IL6ST: variants seen among roughly 807,000 people sequenced by gnomAD.
IL6ST encodes interleukin-6 receptor subunit beta.
In IL6ST, 24 loss-of-function variants were observed where a neutral mutation model predicts 91.3. That is an observed-to-expected ratio of 0.26 (90% confidence interval 0.19 to 0.37). The LOEUF (loss-of-function observed/expected upper bound fraction) is 0.37, where lower values mean the gene tolerates loss of function less well. Ranked by LOEUF, IL6ST falls within the 10% of genes least tolerant of loss-of-function variation. The pLI, the probability that IL6ST is intolerant of heterozygous loss-of-function variation, is 1.00. For missense variants in IL6ST, 914 were observed against 1,078.5 expected (o/e 0.85, Z 2.14); for synonymous variants, 351 against 373.6 (o/e 0.94, Z 0.70).
intron 3 of IL6ST, among the ~76,000 whole-genome samples, chr5:55,973,223 CTG>C (rs1561191800): frequency 6.6e-6 from 1 of 151,962 alleles, no homozygotes; most frequent in African/African-American, 2.4e-5. Flanking sequence ...TTGGAGAAGA[CTG>C]TATTTTAAGA....
intron 8 of IL6ST, among the ~76,000 whole-genome samples, chr5:55,959,094 G>A (rs144830343): frequency 3.3e-5 from 5 of 152,122 alleles, no homozygotes; most frequent in African/African-American, 4.8e-5. Flanking sequence ...CTTCATTCAC[G>A]CATTGATTTG....
At chr5:55,967,548 A>T (rs1440095288) in intron 5 of IL6ST, among the ~76,000 whole-genome samples, 4 of 152,108 alleles carry the variant, frequency 2.6e-5, no homozygotes, top group African/African-American at 4.8e-5. Flanking sequence ...ATCAACACTA[A>T]CTGAAAATGT....
intron 8 of IL6ST, among the ~76,000 whole-genome samples, chr5:55,959,041 T>A (rs766790547): frequency 6.6e-6 from 1 of 151,820 alleles, no homozygotes; most frequent in Non-Finnish European, 1.5e-5. Flanking sequence ...TAAAAAAAAA[T>A]TATGAGCTGG....
chr5:55,950,620 T>G (rs1277594164), intron 14 of IL6ST, among the ~76,000 whole-genome samples: 1 of 149,846 alleles, frequency 6.7e-6, no homozygotes, highest in East Asian at 2.0e-4. Flanking sequence ...GAGACTGTGC[T>G]AGCAGAAAAA....
At chr5:55,976,363 C>T in intron 2 of IL6ST, 70 bp from the exon 3 acceptor site, 1 of 777,030 alleles carries the variant, frequency 1.3e-6, no homozygotes, top group South Asian at 2.5e-5. Flanking sequence ...AAGACACAAT[C>T]TTGTTTCCAT....
At chr5:55,993,191 C>T (rs974846480) in intron 1 of IL6ST, among the ~76,000 whole-genome samples, 11 of 152,208 alleles carry the variant, frequency 7.2e-5, no homozygotes, top group African/African-American at 2.7e-4. Flanking sequence ...CCCTCCCTGC[C>T]ACTGTAGAGG....
At chr5:55,989,252 T>C (rs1754177735) in intron 1 of IL6ST, among the ~76,000 whole-genome samples, 1 of 150,790 alleles carries the variant, frequency 6.6e-6, no homozygotes, top group African/African-American at 2.5e-5. Context: ...CAAAACACAC[T>C]CAAGTGTATA....
chr5:55,942,881 A>G (rs1751006127), intron 15 of IL6ST, 130 bp from the exon 16 acceptor site: 1 of 527,384 alleles, frequency 1.9e-6, no homozygotes, highest in Non-Finnish European at 3.4e-6. Context: ...AAAAATACCT[A>G]CTCTACCCCA....
chr5:55,982,798 T>C lies in IL6ST; in HGVS notation c.-90A>G. ...TTCTACTTCTAAATGTCATGCTTTT[T>C]CCATTGGGTTTCACTGTAAAGAGAG... On this transcript the variant is annotated 5_prime_UTR_variant, in exon 2 of 17. Coordinates refer to ENST00000381298, the MANE Select transcript of IL6ST (RefSeq NM_002184.4). 2.5e-6 allele frequency: 1 copy of C among 398,342 alleles called. No individual in the cohort carries two copies. Among genetic ancestry groups the C allele is most frequent in the East Asian group, 3.6e-5 (1 of 27,996 alleles). 24.7% of individuals were successfully genotyped at this position (398,342 alleles called of 1,614,324 possible).
At position 55,954,873 on chromosome 5, in the gene IL6ST, T is replaced by C. The variant is rs562633426; in HGVS notation, c.1387A>G (p.Lys463Glu). Reference sequence around the variant, plus strand: ...TGCCAGTCTGTGATACAGGGTGCTTTATCTGATAACACACACCACTCAAGT... The same window carrying C: ...TGCCAGTCTGTGATACAGGGTGCTTCATCTGATAACACACACCACTCAAGT... ...YILEWCVLSD[K>E]APCITDWQQE... Residue 463 changes from lysine (K) to glutamate (E), a missense_variant, in exon 11 of 17, where the codon AAA (lysine) becomes GAA (glutamate). Transcript: ENST00000381298. 2.4e-5 allele frequency: 39 copies of C among 1,613,752 alleles called. 1 individual carries two copies. The South Asian group carries it at 2.6e-4, about 11-fold the overall frequency.
intron 15 of IL6ST, chr5:55,944,532 G>A (rs1168161169): frequency 2.1e-5 from 9 of 436,030 alleles, no homozygotes; most frequent in South Asian, 8.7e-5. Context: ...CACTGCAAAA[G>A]TAAATTAAAC....
chr5:55,956,695 T>TA (rs1327611321), intron 9 of IL6ST, among the ~76,000 whole-genome samples: 1 of 152,206 alleles, frequency 6.6e-6, no homozygotes, highest in Non-Finnish European at 1.5e-5. Context: ...GAACTGTACT[T>TA]AAATACCTAT....
At chr5:55,964,663 C>T (rs993321557) in intron 5 of IL6ST, among the ~76,000 whole-genome samples, 3 of 152,102 alleles carry the variant, frequency 2.0e-5, no homozygotes, top group African/African-American at 7.2e-5. Flanking sequence ...CCACAAATTT[C>T]TTTAAGCACA....
chr5:55,984,310 T>C (rs1580864570), intron 1 of IL6ST, among the ~76,000 whole-genome samples: 1 of 152,380 alleles, frequency 6.6e-6, no homozygotes, highest in East Asian at 1.9e-4. Flanking sequence ...TTGTTTGTTA[T>C]GGGCTGAACT....
intron 3 of IL6ST, among the ~76,000 whole-genome samples, chr5:55,975,902 A>AG (rs1753260523): frequency 6.6e-6 from 1 of 150,944 alleles, no homozygotes; most frequent in African/African-American, 2.4e-5. Context: ...CATTTACTGA[A>AG]GAAAAAAAAA....
chr5:55,942,452 G>C (rs1750978838), intron 16 of IL6ST, among the ~76,000 whole-genome samples: 1 of 152,140 alleles, frequency 6.6e-6, no homozygotes, highest in Non-Finnish European at 1.5e-5. Flanking sequence ...AATATACTAT[G>C]ATGGTGATAA....
At chr5:55,969,502 G>T (rs745370722) in intron 4 of IL6ST, 48 bp downstream of exon 4, 1 of 1,255,956 alleles carries the variant, frequency 8.0e-7, no homozygotes, top group South Asian at 1.3e-5. Flanking sequence ...TAAAAATGCA[G>T]TTCAATAGTC....
chr5:55,960,237 T>C (rs1371235704), intron 8 of IL6ST, among the ~76,000 whole-genome samples, 165 bp downstream of exon 8: 1 of 152,186 alleles, frequency 6.6e-6, no homozygotes, highest in Non-Finnish European at 1.5e-5. Flanking sequence ...ATGATCCATA[T>C]TCAATTTTAC....
At chr5:55,975,750 C>T (rs1338042079) in intron 3 of IL6ST, among the ~76,000 whole-genome samples, 7 of 152,036 alleles carry the variant, frequency 4.6e-5, no homozygotes, top group Non-Finnish European at 1.0e-4. Context: ...AAAACCAGAT[C>T]CTATAGAATG....
Sources: gnomAD v4.1 joint callset for allele counts (sites outside exome capture counted in the v4.1 genomes callset) on GRCh38, gnomAD v4.1.1 for gene constraint, MANE v1.5 for transcripts, NCBI Gene and HGNC (gene_info 2026-07-23, HGNC 2026-07-21) for gene names.